SORCS1: variants seen among roughly 807,000 people sequenced by gnomAD.
SORCS1 encodes sortilin related VPS10 domain containing receptor 1.
In SORCS1, 60 loss-of-function variants were observed where a neutral mutation model predicts 146.1. The observed-to-expected ratio is 0.41, with a 90% confidence interval of 0.33 to 0.51. SORCS1 has a LOEUF of 0.51. Among genes scored for constraint, SORCS1 ranks in the 20% least tolerant of loss-of-function variants. The pLI, the probability that SORCS1 is intolerant of heterozygous loss-of-function variation, is 0.21. For missense variants in SORCS1, 1,352 were observed against 1,487.6 expected, an observed-to-expected ratio of 0.91 and a Z score of 1.50; for synonymous variants, 637 against 584.0, an observed-to-expected ratio of 1.09 and a Z score of -1.31.
intron 1 of SORCS1, among the ~76,000 whole-genome samples, chr10:107,022,533 C>T (rs1958196073): frequency 6.6e-6 from 1 of 151,916 alleles, no homozygotes; most frequent in South Asian, 2.1e-4. Flanking sequence ...AAGGAGTTCA[C>T]AAAGTAGTGA....
rs547862310 is a variant in SORCS1 at position 107,072,915 on chromosome 10, T to C, written c.558+91054A>G. Among the ~76,000 whole-genome samples, 7 of 152,248 alleles carry C rather than the reference T, an allele frequency of 4.6e-5. No homozygotes were observed. The East Asian group carries it at 1.4e-3, about 29-fold the overall frequency. On this transcript the variant is annotated intron_variant, in intron 1 of 25. Transcript: ENST00000263054. ...CCTTCTAAAAAGGCCACTTTCCTAG[T>C]AGGGCACTCAGCGATATTCAATGAC...
At chr10:106,773,731 C>A (rs900169852) in intron 4 of SORCS1, among the ~76,000 whole-genome samples, 1 of 152,098 alleles carries the variant, frequency 6.6e-6, no homozygotes, top group Non-Finnish European at 1.5e-5. Context: ...GGGTGGATCA[C>A]AAGGTCAGGA....
At chr10:107,021,207 G>A (rs986675071) in intron 1 of SORCS1, among the ~76,000 whole-genome samples, 8 of 151,942 alleles carry the variant, frequency 5.3e-5, no homozygotes, top group Non-Finnish European at 1.0e-4. Context: ...AAAACTGTTC[G>A]TGAATTTAAG....
intron 2 of SORCS1, among the ~76,000 whole-genome samples, chr10:106,908,079 C>A (rs927744977): frequency 2.6e-5 from 4 of 152,122 alleles, no homozygotes; most frequent in African/African-American, 9.7e-5. Context: ...GGGTAGAGAT[C>A]TCTCTATACA....
At chr10:106,966,751 A>G (rs1346739432) in intron 1 of SORCS1, among the ~76,000 whole-genome samples, 1 of 152,192 alleles carries the variant, frequency 6.6e-6, no homozygotes, top group African/African-American at 2.4e-5. Context: ...TTTGTAGCTA[A>G]GACATAAAAT....
chr10:106,808,642 A>T (rs1947307023), intron 3 of SORCS1, among the ~76,000 whole-genome samples: 1 of 152,056 alleles, frequency 6.6e-6, no homozygotes, highest in Non-Finnish European at 1.5e-5. Flanking sequence ...AGCTGGGACT[A>T]CAGGTGCCCG....
chr10:106,697,439 G>C (rs113756652), intron 9 of SORCS1, among the ~76,000 whole-genome samples: 359 of 142,338 alleles, frequency 2.5e-3, no homozygotes, highest in African/African-American at 8.2e-3. Flanking sequence ...CTGGGTGACA[G>C]AGTGAGACTC....
chr10:106,587,594 T>C (rs1845317305), intron 24 of SORCS1, among the ~76,000 whole-genome samples: 1 of 152,238 alleles, frequency 6.6e-6, no homozygotes, highest in South Asian at 2.1e-4. Context: ...ACACATCCAG[T>C]GGTAGCAACT....
At chr10:107,093,958 C>CA (rs1964379965) in intron 1 of SORCS1, among the ~76,000 whole-genome samples, 1 of 152,090 alleles carries the variant, frequency 6.6e-6, no homozygotes. Flanking sequence ...GACCGCTATC[C>CA]CCCAGAAGCA....
chr10:107,010,317 G>A (rs1463952635), intron 1 of SORCS1, among the ~76,000 whole-genome samples: 2 of 152,198 alleles, frequency 1.3e-5, no homozygotes, highest in Non-Finnish European at 2.9e-5. Context: ...CACTGGGCCA[G>A]AAAATTTTTC....
At chr10:107,159,775 C>T (rs1407644709) in intron 1 of SORCS1, among the ~76,000 whole-genome samples, 1 of 151,886 alleles carries the variant, frequency 6.6e-6, no homozygotes, top group Non-Finnish European at 1.5e-5. Context: ...GAAGGAATTA[C>T]GTGGACTTGC....
intron 4 of SORCS1, among the ~76,000 whole-genome samples, chr10:106,767,513 G>A (rs1589834505): frequency 1.3e-5 from 2 of 152,242 alleles, no homozygotes; most frequent in Admixed American, 1.3e-4. Flanking sequence ...TTTTGAGACA[G>A]AGTTTCGCTC....
intron 1 of SORCS1, among the ~76,000 whole-genome samples, chr10:107,043,195 C>A (rs763350678): frequency 6.2e-4 from 95 of 152,234 alleles, no homozygotes; most frequent in Admixed American, 1.2e-3. Flanking sequence ...CTCTCTGGAT[C>A]CTCAGTCATT....
intron 1 of SORCS1, among the ~76,000 whole-genome samples, chr10:107,111,670 T>C (rs949983204): frequency 6.6e-6 from 1 of 152,152 alleles, no homozygotes; most frequent in Non-Finnish European, 1.5e-5. Context: ...AAAGAAACAC[T>C]TGCTGAAAAC....
chr10:107,020,660 G>A (rs148715993), intron 1 of SORCS1, among the ~76,000 whole-genome samples: 106 of 152,202 alleles, frequency 7.0e-4, no homozygotes, highest in Non-Finnish European at 1.5e-3. Context: ...GGCTGAATTT[G>A]TGTGTCCTGT....
At chr10:106,998,299 A>C (rs1372876349) in intron 1 of SORCS1, among the ~76,000 whole-genome samples, 2 of 152,196 alleles carry the variant, frequency 1.3e-5, no homozygotes, top group African/African-American at 4.8e-5. Flanking sequence ...AAATAACAGC[A>C]CTCATACAGC....
At chr10:106,844,449 T>C (rs1045531235) in intron 2 of SORCS1, among the ~76,000 whole-genome samples, 14 of 152,192 alleles carry the variant, frequency 9.2e-5, no homozygotes, top group Admixed American at 5.9e-4. Context: ...TCAGGACTTA[T>C]GTTTAAGTTT....
chr10:106,754,927 C>T (rs144123793), intron 5 of SORCS1, among the ~76,000 whole-genome samples: 1 of 152,330 alleles, frequency 6.6e-6, no homozygotes, highest in Non-Finnish European at 1.5e-5. Flanking sequence ...GCAACATAAT[C>T]AATAAGGTAA....
At chr10:106,792,253 C>T (rs1439407104) in intron 3 of SORCS1, among the ~76,000 whole-genome samples, 2 of 152,160 alleles carry the variant, frequency 1.3e-5, no homozygotes, top group Non-Finnish European at 2.9e-5. Flanking sequence ...ATTGCGTTCC[C>T]GAAATAAAGG....
Sources: gnomAD v4.1 joint callset for allele counts (sites outside exome capture counted in the v4.1 genomes callset) on GRCh38, gnomAD v4.1.1 for gene constraint, MANE v1.5 for transcripts, NCBI Gene and HGNC (gene_info 2026-07-23, HGNC 2026-07-21) for gene names.